Variants in THSD4 observed in about 807,000 individuals in gnomAD.
The protein encoded by THSD4 is thrombospondin type-1 domain-containing protein 4.
A neutral mutation model predicts 119.0 loss-of-function variants in THSD4; 69 were observed. That is an observed-to-expected ratio of 0.58 (90% CI 0.48 to 0.71). The LOEUF (loss-of-function observed/expected upper bound fraction) is 0.71, where lower values mean the gene tolerates loss of function less well. Among genes scored for constraint, THSD4 ranks in the 30% least tolerant of loss-of-function variants. The probability of loss-of-function intolerance (pLI) is 0.00; values close to 1 mark genes in which losing one functional copy is unlikely to be tolerated. For synonymous variants in THSD4, 524 were observed against 540.4 expected (o/e 0.97, Z 0.42); for missense variants, 1,393 against 1,391.1 (o/e 1.00, Z -0.02).
chr15:71,374,894 C>T lies in THSD4; in HGVS notation c.1016-36793C>T, dbSNP rs573721886. On this transcript the variant is annotated intron_variant, in intron 6 of 17. Coordinates refer to ENST00000261862, the MANE Select transcript of THSD4 (RefSeq NM_024817.3). ...CCATTAATCACCATGCACAGACGTG[C>T]TGCTTGGTAAAAGTGAGCCTCCCAG... Among the ~76,000 whole-genome samples the T allele has an allele frequency of 4.6e-5, 7 of 152,292 alleles. No homozygotes were observed. The South Asian group carries it at 1.5e-3, about 32-fold the overall frequency.
chr15:71,447,856 T>G (rs1451033848), intron 7 of THSD4, among the ~76,000 whole-genome samples: 2 of 152,160 alleles, frequency 1.3e-5, no homozygotes, highest in African/African-American at 4.8e-5. Context: ...TCTGCTCTCC[T>G]TGGCATGTCA....
chr15:71,724,838 T>A (rs2141120501), intron 8 of THSD4, among the ~76,000 whole-genome samples: 1 of 148,980 alleles, frequency 6.7e-6, no homozygotes, highest in South Asian at 2.2e-4. Context: ...AGAGAGGAGG[T>A]ATCCAGGATG....
intron 4 of THSD4, among the ~76,000 whole-genome samples, chr15:71,220,082 C>T (rs1206856595): frequency 3.9e-5 from 5 of 129,628 alleles, no homozygotes; most frequent in Admixed American, 1.7e-4. Context: ...CTAGGCATCA[C>T]GTGAGTTCAA....
intron 2 of THSD4, among the ~76,000 whole-genome samples, chr15:71,141,854 A>G (rs1479912346): frequency 1.3e-5 from 2 of 152,180 alleles, no homozygotes; most frequent in East Asian, 1.9e-4. Context: ...CTGTAATCCC[A>G]GCATTTTGGG....
chr15:71,156,110 AG>A (rs1482688104), intron 3 of THSD4, among the ~76,000 whole-genome samples: 2 of 152,332 alleles, frequency 1.3e-5, no homozygotes, highest in South Asian at 2.1e-4. Context: ...AATGCATGAT[AG>A]GACTCTTAGA....
chr15:71,364,261 T>G (rs1305954553), intron 6 of THSD4, among the ~76,000 whole-genome samples: 1 of 152,236 alleles, frequency 6.6e-6, no homozygotes, highest in African/African-American at 2.4e-5. Flanking sequence ...TACCCATCGT[T>G]CTTGCAACAC....
At chr15:71,561,997 A>C (rs2049130192) in intron 7 of THSD4, among the ~76,000 whole-genome samples, 1 of 152,118 alleles carries the variant, frequency 6.6e-6, no homozygotes, top group African/African-American at 2.4e-5. Context: ...TTGAATCATT[A>C]TTTAATAAGG....
chr15:71,335,216 C>CGAG (rs1355657999), intron 6 of THSD4, among the ~76,000 whole-genome samples: 1 of 152,130 alleles, frequency 6.6e-6, no homozygotes, highest in African/African-American at 2.4e-5. Context: ...ACACAGCTCA[C>CGAG]GTTCAGGAAA....
intron 7 of THSD4, among the ~76,000 whole-genome samples, chr15:71,433,226 T>G (rs2046965101): frequency 6.6e-6 from 1 of 151,156 alleles, no homozygotes; most frequent in South Asian, 2.1e-4. Context: ...ATAATTAATG[T>G]TTTAGTATTT....
chr15:71,351,194 A>T (rs2045739659), intron 6 of THSD4, among the ~76,000 whole-genome samples: 2 of 152,284 alleles, frequency 1.3e-5, no homozygotes, highest in South Asian at 4.1e-4. Context: ...AATCAATCAC[A>T]GGCCATGAGC....
At chr15:71,579,867 C>A (rs1478712494) in intron 7 of THSD4, among the ~76,000 whole-genome samples, 1 of 151,958 alleles carries the variant, frequency 6.6e-6, no homozygotes, top group East Asian at 1.9e-4. Flanking sequence ...TAACAAATTA[C>A]CACAAATTTA....
intron 6 of THSD4, among the ~76,000 whole-genome samples, chr15:71,262,673 G>A (rs897064481): frequency 1.3e-5 from 2 of 152,196 alleles, no homozygotes; most frequent in African/African-American, 4.8e-5. Context: ...AAAAGCCAGA[G>A]GGGAGGCTGA....
Position 71,215,096 on chromosome 15 carries a change from G to C in THSD4, c.161G>C (p.Gly54Ala), listed in dbSNP as rs1183251219. 12 of 1,322,546 alleles carry C rather than the reference G, an allele frequency of 9.1e-6. No homozygotes were observed. Among genetic ancestry groups the C allele is most frequent in the African/African-American group, 3.1e-5 (2 of 64,660 alleles). 81.9% of individuals were successfully genotyped at this position (1,322,546 alleles called of 1,614,324 possible). A position where few individuals can be genotyped will look rare whatever the true frequency, so the allele number is the denominator to read the frequency against. Residue 54 changes from glycine to alanine, a missense_variant, in exon 4 of 18, where the codon GGA (glycine) becomes GCA (alanine). Coordinates refer to ENST00000261862, the MANE Select transcript of THSD4 (RefSeq NM_024817.3). ...PEDDGGGGAP[G>A]VWGAWGPWSA... ...GACGACGGCGGCGGCGGCGCCCCGGGAGTGTGGGGCGCCTGGGGCCCCTGG... is the reference window on the plus strand; with the variant it reads ...GACGACGGCGGCGGCGGCGCCCCGGCAGTGTGGGGCGCCTGGGGCCCCTGG...
At chr15:71,367,980 C>T (rs2045987988) in intron 6 of THSD4, among the ~76,000 whole-genome samples, 1 of 152,200 alleles carries the variant, frequency 6.6e-6, no homozygotes, top group African/African-American at 2.4e-5. Flanking sequence ...ACCATTCTAA[C>T]TGGTGTGAGA....
intron 7 of THSD4, among the ~76,000 whole-genome samples, chr15:71,465,962 G>C (rs1357041125): frequency 6.6e-6 from 1 of 152,084 alleles, no homozygotes; most frequent in African/African-American, 2.4e-5. Context: ...TGGAGAAGAG[G>C]ATCTGGCTGA....
intron 4 of THSD4, among the ~76,000 whole-genome samples, chr15:71,230,338 T>C (rs966431436): frequency 6.6e-6 from 1 of 152,214 alleles, no homozygotes; most frequent in Non-Finnish European, 1.5e-5. Context: ...TTTACTGTTC[T>C]TTCATGCAAA....
At chr15:71,440,499 G>C (rs1453846117) in intron 7 of THSD4, among the ~76,000 whole-genome samples, 3 of 152,090 alleles carry the variant, frequency 2.0e-5, no homozygotes, top group African/African-American at 7.2e-5. Context: ...TTCTATTTTT[G>C]GATAGATATA....
chr15:71,758,712 C>A (rs932213654), intron 15 of THSD4, among the ~76,000 whole-genome samples: 4 of 152,180 alleles, frequency 2.6e-5, no homozygotes, highest in African/African-American at 9.7e-5. Context: ...TAGCATTTGG[C>A]TCCCAGGGCT....
At chr15:71,607,397 A>C (rs185816334) in intron 7 of THSD4, among the ~76,000 whole-genome samples, 1 of 152,342 alleles carries the variant, frequency 6.6e-6, no homozygotes, top group Admixed American at 6.5e-5. Flanking sequence ...TAACATAGGA[A>C]AGTCTCCTGT....
Sources: gnomAD v4.1 joint callset for allele counts (sites outside exome capture counted in the v4.1 genomes callset) on GRCh38, gnomAD v4.1.1 for gene constraint, MANE v1.5 for transcripts, NCBI Gene and HGNC (gene_info 2026-07-23, HGNC 2026-07-21) for gene names.